Variants in GALNT15 observed in about 807,000 individuals in gnomAD.
GALNT15 encodes the protein polypeptide N-acetylgalactosaminyltransferase 15.
A neutral mutation model predicts 66.8 loss-of-function variants in GALNT15; 67 were observed. The observed-to-expected ratio is 1.00, with a 90% CI of 0.82 to 1.23. The LOEUF (loss-of-function observed/expected upper bound fraction) is 1.23, where lower values mean the gene tolerates loss of function less well. Ranked by LOEUF, GALNT15 falls within the 50% of genes most tolerant of loss-of-function variation. The probability of loss-of-function intolerance (pLI) is 0.00; values close to 1 mark genes in which losing one functional copy is unlikely to be tolerated. For missense variants in GALNT15, 827 were observed against 804.3 expected, an observed-to-expected ratio of 1.03 and a Z score of -0.34; for synonymous variants, 313 against 311.5, an observed-to-expected ratio of 1.00 and a Z score of -0.05.
downstream of GALNT15, among the ~76,000 whole-genome samples, chr3:16,230,262 A>C (rs1305360317): frequency 6.6e-6 from 1 of 152,182 alleles, no homozygotes; most frequent in Non-Finnish European, 1.5e-5. The surrounding 1 kb of genome is among the most constrained non-coding windows in gnomAD (Gnocchi z 4.5). Context: ...GCTGTATTAC[A>C]ACAGTAAGAG....
In GALNT15 at chr3:16,191,256, T is replaced by G. The variant is rs2063574741; in HGVS notation, c.540-4504T>G. ...TTTTCTGCCTCCTTCTTCCTCCTGC[T>G]GCGGGAAGGAGCCCCCAAAGAATCA... On this transcript the variant is annotated intron_variant, in intron 1 of 9. Coordinates refer to ENST00000339732, the MANE Select transcript of GALNT15 (RefSeq NM_054110.5). The surrounding 1 kb of genome is among the most constrained non-coding windows in gnomAD (Gnocchi z 5.2). 3.7e-6 allele frequency: 3 copies of G among 820,076 alleles called. No homozygotes were observed. The highest frequency in any genetic ancestry group is 4.4e-6 in the Non-Finnish European group (3 of 679,122). The allele number at this position is 820,076 out of a possible 1,614,324, so 50.8% of individuals were successfully genotyped here.
At position 16,211,866 on chromosome 3, in the gene GALNT15, T is replaced by C. The variant is rs920440372; in HGVS notation, c.1197+625T>C. ...TATTCTGCATGAAGTCCAACAGATG[T>C]CACCGTGTTTCTCTCAAAAATTTAA... On this transcript the variant is annotated intron_variant, in intron 5 of 9. Coordinates refer to ENST00000339732, the MANE Select transcript of GALNT15 (RefSeq NM_054110.5). This position sits in a 1 kb window ranked among gnomAD's most constrained non-coding sequence, Gnocchi z 4.3. 6.6e-6 allele frequency among the ~76,000 whole-genome samples: 1 copy of C among 152,230 alleles called. No individual in the cohort carries two copies. The highest frequency in any genetic ancestry group is 6.5e-5 in the Admixed American group (1 of 15,288).
intron 6 of GALNT15, among the ~76,000 whole-genome samples, chr3:16,217,250 A>G (rs1447910968): frequency 6.6e-6 from 1 of 152,176 alleles, no homozygotes; most frequent in African/African-American, 2.4e-5. Context: ...TTTTCTTCTT[A>G]TATCCATTTG....
At chr3:16,207,898 G>A (rs938395114) in intron 3 of GALNT15, among the ~76,000 whole-genome samples, 1 of 152,176 alleles carries the variant, frequency 6.6e-6, no homozygotes, top group Non-Finnish European at 1.5e-5. Context: ...GCTGAGAAAG[G>A]CCTTTGTGGG....
At position 16,188,485 on chromosome 3, in the gene GALNT15, G is replaced by A. The variant is rs2063540233; in HGVS notation, c.540-7275G>A. Among the ~76,000 whole-genome samples, 1 of 152,204 alleles carries A rather than the reference G, an allele frequency of 6.6e-6. No individual in the cohort carries two copies. The highest frequency in any genetic ancestry group is 2.4e-5 in the African/African-American group (1 of 41,464). ...ACTAAATTTCCTCCCAGTGACATCA[G>A]CTGTTCCTTTTAGGTGGGCCATGTG... On this transcript the variant is annotated intron_variant, in intron 1 of 9. Transcript: ENST00000339732. The surrounding 1 kb of genome is among the most constrained non-coding windows in gnomAD (Gnocchi z 4.6).
intron 5 of GALNT15, 69 bp from the exon 6 acceptor site, chr3:16,212,500 A>C: frequency 6.9e-7 from 1 of 1,444,718 alleles, no homozygotes; most frequent in Non-Finnish European, 9.5e-7. Context: ...CCTCATAGAT[A>C]GGGCTCCCTA....
chr3:16,243,915 G>T, the GALNT15 span: 1 of 742,438 alleles, frequency 1.3e-6, no homozygotes, highest in Non-Finnish European at 1.6e-6. Flanking sequence ...GATTGACCTT[G>T]TCTGATGTCG....
At chr3:16,230,220 C>A (rs533233408), downstream of GALNT15, among the ~76,000 whole-genome samples, 1 of 152,022 alleles carries the variant, frequency 6.6e-6, no homozygotes, top group East Asian at 1.9e-4. The surrounding 1 kb of genome is among the most constrained non-coding windows in gnomAD (Gnocchi z 4.5). Flanking sequence ...GAGAAGTGTC[C>A]GGCCAGCAGT....
At chr3:16,198,782 A>G (rs1222514617) in intron 2 of GALNT15, among the ~76,000 whole-genome samples, 2 of 141,550 alleles carry the variant, frequency 1.4e-5, no homozygotes, top group East Asian at 2.1e-4. Flanking sequence ...CAGAAAATCC[A>G]TGGTGCTTAG....
intron 6 of GALNT15, among the ~76,000 whole-genome samples, chr3:16,215,488 C>G (rs1290067807): frequency 6.6e-6 from 1 of 152,206 alleles, no homozygotes; most frequent in African/African-American, 2.4e-5. Context: ...TCTCTTAGCT[C>G]TCTAACATCG....
chr3:16,204,859 A>G lies in GALNT15; in HGVS notation c.912-3644A>G, dbSNP rs2063740272. 6.6e-6 allele frequency among the ~76,000 whole-genome samples: 1 copy of G among 152,214 alleles called. No individual in the cohort carries two copies. The highest frequency in any genetic ancestry group is 1.5e-5 in the Non-Finnish European group (1 of 68,030). Reference sequence around the variant, plus strand: ...TTTGAAGGGTTAAATGATGGAAAGCAGTGTAAGAACCCCTTGTGCTTGTGC... The same window carrying G: ...TTTGAAGGGTTAAATGATGGAAAGCGGTGTAAGAACCCCTTGTGCTTGTGC... On this transcript the variant is annotated intron_variant, in intron 3 of 9. Transcript: ENST00000339732. This position sits in a 1 kb window ranked among gnomAD's most constrained non-coding sequence, Gnocchi z 4.5.
intron 9 of GALNT15, among the ~76,000 whole-genome samples, chr3:16,223,769 T>C (rs1231062905): frequency 1.3e-5 from 2 of 150,480 alleles, no homozygotes; most frequent in African/African-American, 4.9e-5. Context: ...CTTGGCTAAC[T>C]GCAGCCTCTG....
At chr3:16,217,025 G>A (rs866242323) in intron 6 of GALNT15, among the ~76,000 whole-genome samples, 1 of 152,262 alleles carries the variant, frequency 6.6e-6, no homozygotes. Context: ...CTGGAGGTTG[G>A]GGGGGTCGGG....
downstream of GALNT15, among the ~76,000 whole-genome samples, chr3:16,231,614 G>C (rs2064082696): frequency 6.6e-6 from 1 of 152,158 alleles, no homozygotes; most frequent in African/African-American, 2.4e-5. The surrounding 1 kb of genome is among the most constrained non-coding windows in gnomAD (Gnocchi z 4.1). Context: ...TACCCCTAGG[G>C]TGATAGTTTA....
rs979486933 is a variant in GALNT15 at position 16,184,012 on chromosome 3, A to G, written c.539+8322A>G. On this transcript the variant is annotated intron_variant, in intron 1 of 9. Transcript: ENST00000339732. This position sits in a 1 kb window ranked among gnomAD's most constrained non-coding sequence, Gnocchi z 5.0. The stretch of plus-strand genomic sequence containing the variant: ...TGCAGAACAGCTCTCTTAGGCTAAG[A>G]TTATCCCTTTCAATCCAGGACACAC... Among the ~76,000 whole-genome samples the G allele has an allele frequency of 6.6e-6, 1 of 152,174 alleles. No individual in the cohort carries two copies. Among genetic ancestry groups the G allele is most frequent in the Middle Eastern group, 3.2e-3 (1 of 316 alleles).
downstream of GALNT15, among the ~76,000 whole-genome samples, chr3:16,232,487 T>A (rs867812328): frequency 0.046 from 3,540 of 77,468 alleles, 478 homozygotes; most frequent in Non-Finnish European, 0.06. Context: ...TATATATATA[T>A]ATATATATAT....
At position 16,219,934 on chromosome 3, in the gene GALNT15, T is replaced by C. The variant is rs566285652; in HGVS notation, c.1549T>C (p.Cys517Arg). Residue 517 changes from cysteine (C) to arginine (R), a missense_variant, in exon 8 of 10, where the codon TGT (cysteine) becomes CGT (arginine). Coordinates refer to ENST00000339732, the MANE Select transcript of GALNT15 (RefSeq NM_054110.5). The surrounding 1 kb of genome is among the most constrained non-coding windows in gnomAD (Gnocchi z 4.3). Reference sequence around the variant, plus strand: ...GCTCCACAACACTGGACTTGGGCTCTGTGCAGACTGCCAGGCAGAAGGGGA... The same window carrying C: ...GCTCCACAACACTGGACTTGGGCTCCGTGCAGACTGCCAGGCAGAAGGGGA... ...GKLHNTGLGL[C>R]ADCQAEGDIL... The C allele has an allele frequency of 1.9e-6, 3 of 1,614,238 alleles. No individual in the cohort carries two copies. The highest frequency in any genetic ancestry group is 2.7e-5 in the African/African-American group (2 of 75,078).
the GALNT15 span, among the ~76,000 whole-genome samples, chr3:16,240,602 G>A: frequency 1.3e-5 from 2 of 152,208 alleles, no homozygotes; most frequent in African/African-American, 4.8e-5. Context: ...CTGCCATGGG[G>A]ATATGCCCAG....
At chr3:16,196,002 G>A in intron 2 of GALNT15, 76 bp downstream of exon 2, 1 of 1,468,782 alleles carries the variant, frequency 6.8e-7, no homozygotes, top group Non-Finnish European at 9.4e-7. Flanking sequence ...GCAAAAGATT[G>A]AAGTTTGGAA....
Sources: allele counts gnomAD v4.1 joint callset (sites outside exome capture counted in the v4.1 genomes callset), GRCh38; gene constraint gnomAD v4.1.1; non-coding constraint Gnocchi (gnomAD v3.1); transcripts MANE v1.5; gene names NCBI Gene and HGNC (gene_info 2026-07-23, HGNC 2026-07-21).